The following SNX18 variants were observed in gnomAD, a reference collection of about 807,000 sequenced individuals.
SNX18 encodes sorting nexin 18.
In SNX18, 35 loss-of-function variants were observed where a neutral mutation model predicts 48.7. That is an observed-to-expected ratio of 0.72 (90% CI 0.55 to 0.95). The LOEUF (loss-of-function observed/expected upper bound fraction) is 0.95. SNX18 is among the 40% of genes least tolerant of loss of function. The pLI, the probability that SNX18 is intolerant of heterozygous loss-of-function variation, is 0.00. For synonymous variants in SNX18, 492 were observed against 384.7 expected, an observed-to-expected ratio of 1.28 and a Z score of -3.26; for missense variants, 824 against 871.0, an observed-to-expected ratio of 0.95 and a Z score of 0.68.
chr5:54,578,029 T>C, the SNX18 span, among the ~76,000 whole-genome samples: 1 of 152,182 alleles, frequency 6.6e-6, no homozygotes, highest in Non-Finnish European at 1.5e-5. Flanking sequence ...AGGCCCCACC[T>C]CCTTCTCATC....
intron 1 of SNX18, among the ~76,000 whole-genome samples, chr5:54,527,974 A>G (rs1762167182): frequency 6.6e-6 from 1 of 152,190 alleles, no homozygotes; most frequent in African/African-American, 2.4e-5. Context: ...GAGTGATTTA[A>G]AAGTCTTAGA....
chr5:54,552,677 ATATT>A, the SNX18 span, among the ~76,000 whole-genome samples: 9,645 of 152,246 alleles, frequency 0.063, 557 homozygotes, highest in East Asian at 0.32. Context: ...CATTCTGCAG[ATATT>A]TATTGAATGC....
At chr5:54,521,731 ACTT>A (rs1228282568) in intron 1 of SNX18, among the ~76,000 whole-genome samples, 2 of 152,098 alleles carry the variant, frequency 1.3e-5, no homozygotes, top group African/African-American at 4.8e-5. Flanking sequence ...TAGCTTATTT[ACTT>A]CTTTATTTAT....
chr5:54,551,149 G>T (rs1462488162), downstream of SNX18, among the ~76,000 whole-genome samples: 7 of 151,726 alleles, frequency 4.6e-5, no homozygotes, highest in South Asian at 1.0e-3. Flanking sequence ...ACCCCTTCGA[G>T]ACCTGGAAGT....
chr5:54,560,567 C>T, the SNX18 span, among the ~76,000 whole-genome samples: 1 of 152,116 alleles, frequency 6.6e-6, no homozygotes, highest in East Asian at 1.9e-4. Flanking sequence ...GTACAACAAA[C>T]CCCCATGACA....
the SNX18 span, among the ~76,000 whole-genome samples, chr5:54,605,370 A>G: frequency 6.6e-6 from 1 of 151,954 alleles, no homozygotes; most frequent in African/African-American, 2.4e-5. Context: ...ACTTTTTTTT[A>G]AAAAAAGCAA....
the SNX18 span, among the ~76,000 whole-genome samples, chr5:54,601,347 C>T: frequency 1.3e-5 from 2 of 152,190 alleles, no homozygotes; most frequent in Non-Finnish European, 2.9e-5. Flanking sequence ...ATTCATGGGA[C>T]TCATATGAAT....
At chr5:54,593,687 GATAGACAT>G in the SNX18 span, among the ~76,000 whole-genome samples, 1 of 152,182 alleles carries the variant, frequency 6.6e-6, no homozygotes, top group Non-Finnish European at 1.5e-5. Flanking sequence ...TTGGTGAAAG[GATAGACAT>G]ATAGACTACT....
At chr5:54,618,202 C>A in the SNX18 span, among the ~76,000 whole-genome samples, 1 of 152,150 alleles carries the variant, frequency 6.6e-6, no homozygotes, top group African/African-American at 2.4e-5. Flanking sequence ...TCGCCTGCCG[C>A]CATGTGAAGA....
chr5:54,580,218 G>A, the SNX18 span, among the ~76,000 whole-genome samples: 2 of 152,052 alleles, frequency 1.3e-5, no homozygotes, highest in African/African-American at 4.8e-5. Context: ...TACTACAGCT[G>A]GCCTTAACAA....
chr5:54,647,006 G>A, the SNX18 span, among the ~76,000 whole-genome samples: 3 of 152,174 alleles, frequency 2.0e-5, no homozygotes, highest in Non-Finnish European at 4.4e-5. Flanking sequence ...AGTGTCTCAA[G>A]AGCAATTCGT....
At chr5:54,522,929 T>C (rs2059213) in intron 1 of SNX18, among the ~76,000 whole-genome samples, 79,404 of 151,986 alleles carry the variant, frequency 0.52, 20,973 homozygotes, top group Non-Finnish European at 0.55. Context: ...TGATTTTTTT[T>C]CATCAACGGA....
chr5:54,616,903 C>G, the SNX18 span, among the ~76,000 whole-genome samples: 77 of 152,306 alleles, frequency 5.1e-4, no homozygotes, highest in African/African-American at 1.8e-3. Context: ...GGTTTCTTTT[C>G]CTGTGCTGGG....
intron 1 of SNX18, among the ~76,000 whole-genome samples, chr5:54,535,753 A>G (rs1369501575): frequency 6.6e-6 from 1 of 152,174 alleles, no homozygotes; most frequent in African/African-American, 2.4e-5. Flanking sequence ...GACTTGTATA[A>G]AAACTCTTCT....
intron 1 of SNX18, among the ~76,000 whole-genome samples, chr5:54,525,910 C>T (rs1042692266): frequency 6.6e-6 from 1 of 152,236 alleles, no homozygotes; most frequent in Middle Eastern, 3.4e-3. Context: ...TGTGAAAGAA[C>T]ATTTATGCAC....
At chr5:54,540,152 A>G (rs1762436148) in intron 1 of SNX18, among the ~76,000 whole-genome samples, 1 of 152,070 alleles carries the variant, frequency 6.6e-6, no homozygotes, top group African/African-American at 2.4e-5. Context: ...TTATTGCTGT[A>G]TCTGAGACTT....
chr5:54,601,102 G>GTCCA, the SNX18 span, among the ~76,000 whole-genome samples: 55,018 of 151,236 alleles, frequency 0.36, 10,084 homozygotes, highest in South Asian at 0.56. Flanking sequence ...CTGTCCATCT[G>GTCCA]TCCATCCATC....
chr5:54,632,962 A>G, the SNX18 span, among the ~76,000 whole-genome samples: 2 of 151,914 alleles, frequency 1.3e-5, no homozygotes, highest in Admixed American at 1.3e-4. Context: ...TTTAGTAGAG[A>G]TGGGGTTTCT....
intron 1 of SNX18, among the ~76,000 whole-genome samples, chr5:54,528,791 A>C (rs2112845429): frequency 6.6e-6 from 1 of 152,278 alleles, no homozygotes; most frequent in South Asian, 2.1e-4. Flanking sequence ...TTTTGAAAAC[A>C]AGTGGAAGTT....
Sources: gnomAD v4.1 joint callset for allele counts (sites outside exome capture counted in the v4.1 genomes callset) on GRCh38, gnomAD v4.1.1 for gene constraint, MANE v1.5 for transcripts, NCBI Gene and HGNC (gene_info 2026-07-23, HGNC 2026-07-21) for gene names.